C10orf90: variants seen among roughly 807,000 people sequenced by gnomAD.
The protein encoded by C10orf90 is chromosome 10 open reading frame 90, also known as (E2-independent) E3 ubiquitin-conjugating enzyme FATS.
Under a neutral mutation model 62.5 loss-of-function variants are expected in C10orf90, and 56 were observed. That is an observed-to-expected ratio of 0.90 (90% CI 0.72 to 1.12). The LOEUF (loss-of-function observed/expected upper bound fraction) is 1.12. Among genes scored for constraint, C10orf90 ranks in the 50% most tolerant of loss-of-function variants. The pLI, the probability that C10orf90 is intolerant of heterozygous loss-of-function variation, is 0.00. For missense variants in C10orf90, 970 were observed against 880.4 expected (o/e 1.10, Z -1.29); for synonymous variants, 386 against 340.4 (o/e 1.13, Z -1.47).
rs775472544 is a variant in C10orf90 at position 126,464,818 on chromosome 10, C to T, written c.1703G>A (p.Arg568Lys). Residue 568 changes from arginine to lysine, a missense_variant, in exon 5 of 10, where the codon AGA becomes AAA. Arg to Lys is a conservative substitution (Grantham distance 26). Transcript: ENST00000488181. ...GGGTTTCAGGAAGCTTTGATGTCGT[C>T]TCTCTGTGGGCTCAGAAAGGTCTCT... Reference protein sequence around the residue: ...LSRDLSEPTERRHQSFLKPRI... With the variant: ...LSRDLSEPTEKRHQSFLKPRI... The T allele has an allele frequency of 2.5e-6, 4 of 1,614,188 alleles. No homozygotes were observed. Among genetic ancestry groups the T allele is most frequent in the Non-Finnish European group, 3.4e-6 (4 of 1,180,042 alleles).
intron 2 of C10orf90, among the ~76,000 whole-genome samples, chr10:126,565,363 A>AATAT (rs1323019969): frequency 1.0e-4 from 8 of 77,222 alleles, no homozygotes; most frequent in African/African-American, 4.4e-4. Context: ...TATAATATAT[A>AATAT]TTATTTTATA....
chr10:126,555,618 G>A (rs1485444275), intron 2 of C10orf90, among the ~76,000 whole-genome samples: 1 of 151,830 alleles, frequency 6.6e-6, no homozygotes, highest in Non-Finnish European at 1.5e-5. Context: ...GGTGGAGGTT[G>A]CAGTGAGCTG....
chr10:126,662,490 C>G (rs1846536121), intron 1 of C10orf90, among the ~76,000 whole-genome samples: 1 of 152,006 alleles, frequency 6.6e-6, no homozygotes, highest in Non-Finnish European at 1.5e-5. Context: ...TGTTTTTTTT[C>G]CTCTCAAGAA....
chr10:126,659,848 T>A (rs1306586431), intron 1 of C10orf90, among the ~76,000 whole-genome samples: 2 of 152,238 alleles, frequency 1.3e-5, no homozygotes, highest in Non-Finnish European at 2.9e-5. Flanking sequence ...TAATCAACCA[T>A]CATGCACCCT....
chr10:126,527,974 T>C (rs1386403610), intron 2 of C10orf90, among the ~76,000 whole-genome samples: 1 of 152,174 alleles, frequency 6.6e-6, no homozygotes, highest in Non-Finnish European at 1.5e-5. Context: ...CTATTATAAT[T>C]TAACATTTTT....
chr10:126,425,544 A>C lies in C10orf90; in HGVS notation c.*320T>G, dbSNP rs1316540884. On this transcript the variant is annotated 3_prime_UTR_variant, in exon 10 of 10. Transcript: ENST00000488181. ...AACTTGCTTGTATCAGGCCTCTCTG[A>C]TGGGCAGGAAACAGCAGGGGAGAAG... 3 of 360,704 alleles carry C rather than the reference A, an allele frequency of 8.3e-6. No individual in the cohort carries two copies. Among genetic ancestry groups the C allele is most frequent in the East Asian group, 4.6e-5 (1 of 21,918 alleles). The allele number at this position is 360,704 out of a possible 1,614,324, so 22.3% of individuals were successfully genotyped here.
At chr10:126,650,426 A>G (rs931576215) in intron 1 of C10orf90, among the ~76,000 whole-genome samples, 4 of 152,176 alleles carry the variant, frequency 2.6e-5, no homozygotes, top group Non-Finnish European at 5.9e-5. Context: ...ATTGAGGGCA[A>G]TTAATCCTCA....
intron 4 of C10orf90, among the ~76,000 whole-genome samples, chr10:126,466,433 T>C (rs1860294419): frequency 6.6e-6 from 1 of 151,938 alleles, no homozygotes; most frequent in African/African-American, 2.4e-5. Context: ...GTCTTACATA[T>C]AAAAAGGAAT....
chr10:126,458,809 T>C (rs1859753676), intron 7 of C10orf90, among the ~76,000 whole-genome samples: 1 of 152,170 alleles, frequency 6.6e-6, no homozygotes, highest in African/African-American at 2.4e-5. Flanking sequence ...TAATGGTAAA[T>C]TGGTGTCCCA....
At chr10:126,586,304 C>T (rs576332542) in intron 2 of C10orf90, among the ~76,000 whole-genome samples, 1 of 152,322 alleles carries the variant, frequency 6.6e-6, no homozygotes, top group East Asian at 1.9e-4. Context: ...CTTGAGCATG[C>T]CTCACGCTGG....
intron 4 of C10orf90, among the ~76,000 whole-genome samples, chr10:126,502,129 C>G (rs1354034526): frequency 6.6e-6 from 1 of 150,812 alleles, no homozygotes; most frequent in East Asian, 1.9e-4. Context: ...CACACACACA[C>G]AACACACACA....
chr10:126,588,570 C>T (rs1364061254), intron 2 of C10orf90, among the ~76,000 whole-genome samples: 1 of 152,168 alleles, frequency 6.6e-6, no homozygotes, highest in Non-Finnish European at 1.5e-5. Flanking sequence ...GGAGTGTACC[C>T]TCAGCAAACC....
intron 4 of C10orf90, among the ~76,000 whole-genome samples, chr10:126,481,196 A>G (rs983155515): frequency 1.1e-4 from 17 of 152,214 alleles, no homozygotes; most frequent in Admixed American, 6.5e-5. Flanking sequence ...CCACCCATCT[A>G]AAGGAGCCAA....
intron 2 of C10orf90, chr10:126,524,886 C>CT: frequency 1.1e-6 from 1 of 929,818 alleles, no homozygotes; most frequent in Non-Finnish European, 1.3e-6. Flanking sequence ...ATTTCCATCA[C>CT]TATGTACTCC....
In C10orf90 at chr10:126,425,704, G is replaced by T; in HGVS notation, c.*160C>A. On this transcript the variant is annotated 3_prime_UTR_variant, in exon 10 of 10. Coordinates refer to ENST00000488181, the MANE Select transcript of C10orf90 (RefSeq NM_001350921.2). ...AGGGTTATTGTTTCTGTTTGGCTTG[G>T]GTCAGTAATTCAGGAAGTGATGTTT... 5.6e-6 allele frequency: 4 copies of T among 710,530 alleles called. No homozygotes were observed. In the South Asian group the frequency reaches 7.9e-5, roughly 14 times the overall value. The allele number at this position is 710,530 out of a possible 1,614,324, so 44.0% of individuals were successfully genotyped here. A position where few individuals can be genotyped will look rare whatever the true frequency, so the allele number is the denominator to read the frequency against.
At chr10:126,604,460 A>C (rs548331569) in intron 2 of C10orf90, among the ~76,000 whole-genome samples, 8 of 152,362 alleles carry the variant, frequency 5.3e-5, no homozygotes, top group African/African-American at 1.9e-4. Flanking sequence ...TAAAAGGTAG[A>C]GAGAAATTGC....
At chr10:126,452,412 C>T (rs555979176) in intron 7 of C10orf90, among the ~76,000 whole-genome samples, 15 of 151,896 alleles carry the variant, frequency 9.9e-5, no homozygotes, top group Admixed American at 2.6e-4. Flanking sequence ...TAAAATATGG[C>T]GATTTATAGA....
chr10:126,534,808 C>T (rs771330689), intron 2 of C10orf90, among the ~76,000 whole-genome samples: 5 of 152,148 alleles, frequency 3.3e-5, no homozygotes, highest in Admixed American at 6.5e-5. Flanking sequence ...CTCTTGTTTC[C>T]GCGTAGTGGG....
At chr10:126,505,289 G>A (rs1862666415) in intron 3 of C10orf90, among the ~76,000 whole-genome samples, 1 of 152,166 alleles carries the variant, frequency 6.6e-6, no homozygotes, top group Non-Finnish European at 1.5e-5. Context: ...TACACGTTCT[G>A]GAAACATTGG....
Sources: gnomAD v4.1 joint callset for allele counts (sites outside exome capture counted in the v4.1 genomes callset) on GRCh38, gnomAD v4.1.1 for gene constraint, MANE v1.5 for transcripts, NCBI Gene and HGNC (gene_info 2026-07-23, HGNC 2026-07-21) for gene names.